NGEF: variants seen among roughly 807,000 people sequenced by gnomAD.
The protein encoded by NGEF is neuronal guanine nucleotide exchange factor.
NGEF carries 31 observed loss-of-function variants against 80.9 expected under a neutral mutation model. The observed-to-expected ratio is 0.38, with a 90% CI of 0.29 to 0.52. The LOEUF is 0.52. Among genes scored for constraint, NGEF ranks in the 20% least tolerant of loss-of-function variants. The probability of loss-of-function intolerance (pLI) is 0.84; values close to 1 mark genes in which losing one functional copy is unlikely to be tolerated. For synonymous variants in NGEF, 371 were observed against 370.2 expected (o/e 1.00, Z -0.03); for missense variants, 709 against 926.2 (o/e 0.77, Z 3.04).
At chr2:232,905,347 G>A (rs550325204) in intron 5 of NGEF, among the ~76,000 whole-genome samples, 7 of 147,174 alleles carry the variant, frequency 4.8e-5, no homozygotes, top group South Asian at 2.1e-4. Flanking sequence ...CGAGTGATCC[G>A]CCAGCCTCGG....
rs182309342 is a variant in NGEF, at chr2:232,905,477, C to T, written c.829-10561G>A. Among the ~76,000 whole-genome samples, 1,443 of 152,356 alleles carry T rather than the reference C, an allele frequency of 9.5e-3. 27 individuals carry two copies. Among genetic ancestry groups the T allele is most frequent in the African/African-American group, 0.033 (1,369 of 41,590 alleles). ...CAACCTCCACCTCCCAGCCGCCTGT[C>T]TTGGCCCCCCAAAGTGCGGAGATTG... is the stretch of plus-strand genomic sequence containing the variant. On this transcript the variant is annotated intron_variant, in intron 5 of 14. Transcript: ENST00000264051.
intron 3 of NGEF, among the ~76,000 whole-genome samples, chr2:232,930,006 G>A (rs550131014): frequency 4.6e-5 from 7 of 152,234 alleles, no homozygotes; most frequent in African/African-American, 1.4e-4. Flanking sequence ...CATCTAAGAC[G>A]TGCCTTTCGC....
intron 5 of NGEF, among the ~76,000 whole-genome samples, chr2:232,916,989 T>A (rs1280519523): frequency 3.3e-5 from 5 of 152,232 alleles, no homozygotes; most frequent in African/African-American, 1.2e-4. Context: ...AGAGGCCACC[T>A]GCCCGCCTCT....
intron 3 of NGEF, among the ~76,000 whole-genome samples, chr2:232,933,773 T>C (rs926501562): frequency 1.3e-5 from 2 of 152,226 alleles, no homozygotes; most frequent in Admixed American, 6.5e-5. Flanking sequence ...ATGACGCCCT[T>C]GCCCTTCCAG....
At chr2:232,885,186 A>G in intron 10 of NGEF, 94 bp downstream of exon 10, 5 of 1,187,988 alleles carry the variant, frequency 4.2e-6, no homozygotes, top group Non-Finnish European at 6.1e-6. Context: ...CCAAGGACCT[A>G]AGCAAGGCCA....
At chr2:232,928,337 C>A (rs1179072339) in intron 3 of NGEF, among the ~76,000 whole-genome samples, 12 of 150,648 alleles carry the variant, frequency 8.0e-5, no homozygotes, top group Admixed American at 7.9e-4. Flanking sequence ...CGCCTTCCTC[C>A]CCCGCGCCGC....
At chr2:232,921,540 C>T (rs925752609) in intron 4 of NGEF, among the ~76,000 whole-genome samples, 1 of 152,158 alleles carries the variant, frequency 6.6e-6, no homozygotes, top group Non-Finnish European at 1.5e-5. Flanking sequence ...CAGCCTCCAT[C>T]TCCTGGGCTC....
intron 3 of NGEF, among the ~76,000 whole-genome samples, chr2:232,928,912 C>A (rs1284270544): frequency 6.6e-6 from 1 of 152,220 alleles, no homozygotes; most frequent in African/African-American, 2.4e-5. Flanking sequence ...AAAGGACAGT[C>A]GGAAGAGCGA....
intron 3 of NGEF, among the ~76,000 whole-genome samples, chr2:232,946,540 A>G (rs1215837999): frequency 1.3e-5 from 2 of 152,246 alleles, no homozygotes; most frequent in African/African-American, 2.4e-5. Context: ...GCACACATAC[A>G]TGGGCACAAT....
intron 3 of NGEF, among the ~76,000 whole-genome samples, chr2:232,966,268 G>T (rs751036069): frequency 2.0e-5 from 3 of 152,148 alleles, no homozygotes; most frequent in Non-Finnish European, 2.9e-5. Context: ...CTTGGCATGT[G>T]CAAAGCTCTT....
Position 232,888,101 on chromosome 2 carries a change from G to GGATGT in NGEF, c.1274_1278dup (p.Leu427ThrfsTer3). Reference sequence around the variant, plus strand: ...TCAGACCTCTCTTCTACCCTCTTCAGGATGTTCTATGCACAGAGAAAGGCT... The same window carrying GGATGT: ...TCAGACCTCTCTTCTACCCTCTTCAGGATGTGATGTTCTATGCACAGAGAAAGGCT... On this transcript the variant is annotated frameshift_variant, in exon 9 of 15. Transcript: ENST00000264051. LOFTEE classifies it high-confidence loss of function. The GGATGT allele has an allele frequency of 6.2e-7, 1 of 1,601,818 alleles. No individual in the cohort carries two copies.
At chr2:232,883,012 C>T (rs1448242140) in intron 12 of NGEF, among the ~76,000 whole-genome samples, 1 of 151,822 alleles carries the variant, frequency 6.6e-6, no homozygotes, top group Non-Finnish European at 1.5e-5. Context: ...AAGGGCTCAT[C>T]CAAAAAGAGG....
chr2:232,961,613 C>T (rs1212382627), intron 3 of NGEF, among the ~76,000 whole-genome samples: 1 of 152,146 alleles, frequency 6.6e-6, no homozygotes, highest in Admixed American at 6.5e-5. Flanking sequence ...CTGCCTCAGC[C>T]TCCCGAGTAG....
At chr2:232,920,206 C>T in intron 5 of NGEF, 78 bp downstream of exon 5, 1 of 1,424,724 alleles carries the variant, frequency 7.0e-7, no homozygotes. Flanking sequence ...CCTCACCCCC[C>T]AGAGGAAGCC....
At chr2:232,883,941 C>CT (rs1691594500) in intron 11 of NGEF, 40 bp downstream of exon 11, 2 of 1,567,186 alleles carry the variant, frequency 1.3e-6, no homozygotes, top group Non-Finnish European at 8.6e-7. Context: ...ACACACTCCT[C>CT]TACCCACCGG....
chr2:232,898,408 G>C (rs1410098477), intron 5 of NGEF, among the ~76,000 whole-genome samples: 4 of 152,210 alleles, frequency 2.6e-5, no homozygotes, highest in African/African-American at 9.6e-5. Flanking sequence ...TCAGCTGTGG[G>C]CCTTGGCCTG....
At chr2:232,888,212 G>C (rs1691754906) in intron 8 of NGEF, 105 bp from the exon 9 acceptor site, 2 of 749,952 alleles carry the variant, frequency 2.7e-6, no homozygotes. Flanking sequence ...CCAGCCCCAT[G>C]CTGCAGCATG....
At chr2:232,992,573 A>T (rs980137812) in intron 1 of NGEF, among the ~76,000 whole-genome samples, 1 of 152,068 alleles carries the variant, frequency 6.6e-6, no homozygotes, top group East Asian at 1.9e-4. Flanking sequence ...TAAAAAAAAG[A>T]AGAAGAAAAG....
intron 1 of NGEF, among the ~76,000 whole-genome samples, chr2:233,001,699 C>A (rs533148447): frequency 2.0e-5 from 3 of 152,126 alleles, no homozygotes; most frequent in African/African-American, 7.2e-5. Context: ...GGCCAACGTG[C>A]GAAACCCCAA....
Sources: allele counts gnomAD v4.1 joint callset (sites outside exome capture counted in the v4.1 genomes callset), GRCh38; gene constraint gnomAD v4.1.1; transcripts MANE v1.5; gene names NCBI Gene and HGNC (gene_info 2026-07-23, HGNC 2026-07-21).